Variants in SLC25A40 observed in about 807,000 individuals in gnomAD.
The protein encoded by SLC25A40 is mitochondrial glutathione transporter SLC25A40.
Under a neutral mutation model 46.5 loss-of-function variants are expected in SLC25A40, and 41 were observed. The observed-to-expected ratio is 0.88, with a 90% CI of 0.69 to 1.14. SLC25A40 has a LOEUF of 1.14. SLC25A40 is among the 50% of genes most tolerant of loss of function. The pLI, the probability that SLC25A40 is intolerant of heterozygous loss-of-function variation, is 0.00. For synonymous variants in SLC25A40, 126 were observed against 127.5 expected (o/e 0.99, Z 0.08); for missense variants, 386 against 393.6 (o/e 0.98, Z 0.16).
In SLC25A40 at chr7:87,862,090, G is replaced by A. The variant is rs1031722091; in HGVS notation, c.-93-1450C>T. Among the ~76,000 whole-genome samples, 4 of 152,062 alleles carry A rather than the reference G, an allele frequency of 2.6e-5. No homozygotes were observed. The East Asian group carries it at 7.7e-4, about 29-fold the overall frequency. On this transcript the variant is annotated intron_variant, in intron 1 of 11. Coordinates refer to ENST00000341119, the MANE Select transcript of SLC25A40 (RefSeq NM_018843.4). Reference sequence around the variant, plus strand: ...TAGAAAATCTGAGAAGTGATTATCAGTGAACTGCCTAGAACTCATAATGTA... The same window carrying A: ...TAGAAAATCTGAGAAGTGATTATCAATGAACTGCCTAGAACTCATAATGTA...
intron 5 of SLC25A40, among the ~76,000 whole-genome samples, chr7:87,850,908 A>G (rs1463543062): frequency 1.3e-5 from 2 of 152,240 alleles, no homozygotes; most frequent in African/African-American, 4.8e-5. Flanking sequence ...GACAATAATA[A>G]ATTCTGGTGA....
Position 87,862,870 on chromosome 7 carries a change from C to T in SLC25A40, c.-93-2230G>A, listed in dbSNP as rs559451682. ...TCCCCTTAATAGAACTATCAGATTT[C>T]GTGAGAGGTATTCACTATCACAAGA... On this transcript the variant is annotated intron_variant, in intron 1 of 11. Coordinates refer to ENST00000341119, the MANE Select transcript of SLC25A40 (RefSeq NM_018843.4). 9.2e-5 allele frequency among the ~76,000 whole-genome samples: 14 copies of T among 152,216 alleles called. No homozygotes were observed. In the East Asian group the frequency reaches 9.7e-4, roughly 10 times the overall value.
intron 5 of SLC25A40, among the ~76,000 whole-genome samples, chr7:87,850,909 A>G (rs778621974): frequency 3.9e-5 from 6 of 152,246 alleles, no homozygotes; most frequent in South Asian, 2.1e-4. Context: ...ACAATAATAA[A>G]TTCTGGTGAA....
At chr7:87,852,004 A>G (rs1228857412) in intron 5 of SLC25A40, among the ~76,000 whole-genome samples, 1 of 152,220 alleles carries the variant, frequency 6.6e-6, no homozygotes, top group Non-Finnish European at 1.5e-5. Context: ...TAAGTATACT[A>G]ATTAAAAGGT....
chr7:87,853,650 G>A (rs990030351), intron 5 of SLC25A40, among the ~76,000 whole-genome samples: 8 of 152,094 alleles, frequency 5.3e-5, no homozygotes, highest in Non-Finnish European at 1.2e-4. Context: ...GAATCACCAG[G>A]TAATTATGCT....
At chr7:87,843,636 C>T (rs1169472623) in intron 9 of SLC25A40, 118 bp downstream of exon 9, 11 of 634,186 alleles carry the variant, frequency 1.7e-5, no homozygotes, top group Non-Finnish European at 2.4e-5. Flanking sequence ...AATACTTAGA[C>T]AAATTTTCAA....
chr7:87,868,279 A>G (rs1366646529), intron 1 of SLC25A40, among the ~76,000 whole-genome samples: 1 of 152,148 alleles, frequency 6.6e-6, no homozygotes, highest in Non-Finnish European at 1.5e-5. Flanking sequence ...TATCTGTGAT[A>G]CTCTCAAACC....
intron 3 of SLC25A40, among the ~76,000 whole-genome samples, chr7:87,857,645 CTTACT>C (rs1444457317): frequency 1.3e-5 from 2 of 152,204 alleles, no homozygotes; most frequent in Admixed American, 6.5e-5. Flanking sequence ...TTACCCCTGT[CTTACT>C]TTAATCTCTT....
intron 1 of SLC25A40, among the ~76,000 whole-genome samples, chr7:87,865,063 A>G (rs890737722): frequency 2.0e-5 from 3 of 151,454 alleles, no homozygotes; most frequent in Non-Finnish European, 2.9e-5. Flanking sequence ...TGCAACCTCA[A>G]ACTGCCAGGC....
At position 87,854,316 on chromosome 7, in the gene SLC25A40, A is replaced by G. The variant is rs1414503643; in HGVS notation, c.158-6T>C. 16 of 1,563,388 alleles carry G rather than the reference A, an allele frequency of 1.0e-5. No homozygotes were observed. The highest frequency in any genetic ancestry group is 1.4e-5 in the Non-Finnish European group (16 of 1,143,560). Reference sequence around the variant, plus strand: ...ACTATATACAAAACATTTTCCTAACAAAGAAGATTCCAACAACCAACAATT... The same window carrying G: ...ACTATATACAAAACATTTTCCTAACGAAGAAGATTCCAACAACCAACAATT... On this transcript the variant is annotated splice_polypyrimidine_tract_variant and splice_region_variant and intron_variant, in intron 4 of 11. Coordinates refer to ENST00000341119, the MANE Select transcript of SLC25A40 (RefSeq NM_018843.4).
intron 3 of SLC25A40, among the ~76,000 whole-genome samples, chr7:87,858,291 C>G (rs945226239): frequency 1.3e-5 from 2 of 152,196 alleles, no homozygotes; most frequent in African/African-American, 4.8e-5. Flanking sequence ...TGCCCTTGTC[C>G]TGTTTCCTCA....
chr7:87,858,917 T>A (rs940426909), intron 2 of SLC25A40, among the ~76,000 whole-genome samples, 166 bp from the exon 3 acceptor site: 1 of 151,986 alleles, frequency 6.6e-6, no homozygotes, highest in African/African-American at 2.4e-5. Flanking sequence ...TAAGTCTGAG[T>A]CTGTGAACTC....
chr7:87,859,520 T>C (rs560443149), intron 2 of SLC25A40, among the ~76,000 whole-genome samples: 2 of 152,234 alleles, frequency 1.3e-5, no homozygotes, highest in East Asian at 3.9e-4. Flanking sequence ...CACATACATA[T>C]GTATATGTCT....
intron 1 of SLC25A40, among the ~76,000 whole-genome samples, chr7:87,874,269 G>A (rs913042810): frequency 2.0e-5 from 3 of 152,042 alleles, no homozygotes; most frequent in South Asian, 4.2e-4. Context: ...TCCTCTTCAC[G>A]GCAAATAAGA....
intron 4 of SLC25A40, 105 bp downstream of exon 4, chr7:87,856,187 G>T: frequency 2.0e-6 from 2 of 987,130 alleles, no homozygotes; most frequent in Non-Finnish European, 3.1e-6. Context: ...AGGATAAAGA[G>T]GCATCAATTT....
At chr7:87,842,568 A>G (rs1838352347) in intron 9 of SLC25A40, among the ~76,000 whole-genome samples, 1 of 152,062 alleles carries the variant, frequency 6.6e-6, no homozygotes, top group African/African-American at 2.4e-5. Context: ...GATTTCAGGT[A>G]AGGTAAAATC....
At chr7:87,863,391 G>C (rs559317907) in intron 1 of SLC25A40, among the ~76,000 whole-genome samples, 2 of 151,804 alleles carry the variant, frequency 1.3e-5, no homozygotes, top group African/African-American at 4.8e-5. Flanking sequence ...CCCCCCTTTT[G>C]CTTGGCACTT....
chr7:87,872,924 A>C (rs1838916175), intron 1 of SLC25A40, among the ~76,000 whole-genome samples: 1 of 152,224 alleles, frequency 6.6e-6, no homozygotes, highest in Admixed American at 6.5e-5. Context: ...CAGTCACCTG[A>C]GACATTAACT....
In SLC25A40 at chr7:87,834,211, C is replaced by A. The variant is rs1838229617; in HGVS notation, c.*2038G>T. Reference sequence around the variant, plus strand: ...GTTAAATTTATATACTGAAGTAAAACCTGGGAATATTCATCATGCCAATTA... The same window carrying A: ...GTTAAATTTATATACTGAAGTAAAAACTGGGAATATTCATCATGCCAATTA... On this transcript the variant is annotated 3_prime_UTR_variant, in exon 12 of 12. Coordinates refer to ENST00000341119, the MANE Select transcript of SLC25A40 (RefSeq NM_018843.4). The A allele has an allele frequency of 6.6e-6, 1 of 151,766 alleles. No homozygotes were observed. Among genetic ancestry groups the A allele is most frequent in the South Asian group, 2.1e-4 (1 of 4,806 alleles). 9.4% of individuals were successfully genotyped at this position (151,766 alleles called of 1,614,324 possible).
Sources: gnomAD v4.1 joint callset for allele counts (sites outside exome capture counted in the v4.1 genomes callset) on GRCh38, gnomAD v4.1.1 for gene constraint, MANE v1.5 for transcripts, NCBI Gene and HGNC (gene_info 2026-07-23, HGNC 2026-07-21) for gene names.